The following ABCG2 variants were observed in gnomAD, a reference collection of about 807,000 sequenced individuals.
The protein encoded by ABCG2 is broad substrate specificity ATP-binding cassette transporter ABCG2.
A neutral mutation model predicts 73.5 loss-of-function variants in ABCG2; 80 were observed. The ratio of observed to expected loss-of-function variants is 1.09; its 90% CI spans 0.91 to 1.31. The LOEUF (loss-of-function observed/expected upper bound fraction) is 1.31. Ranked by LOEUF, ABCG2 falls within the 50% of genes most tolerant of loss-of-function variation. The pLI is 0.00. For missense variants in ABCG2, 796 were observed against 786.2 expected (o/e 1.01, Z -0.15); for synonymous variants, 269 against 282.4 (o/e 0.95, Z 0.48).
At chr4:88,176,162 T>G (rs1727963180) in intron 1 of ABCG2, among the ~76,000 whole-genome samples, 1 of 151,794 alleles carries the variant, frequency 6.6e-6, no homozygotes, top group Admixed American at 6.6e-5. Flanking sequence ...TTCTTGTTTT[T>G]TTTTTCTTTT....
At chr4:88,164,836 G>T (rs1334460072) in intron 1 of ABCG2, among the ~76,000 whole-genome samples, 4 of 152,134 alleles carry the variant, frequency 2.6e-5, no homozygotes, top group African/African-American at 4.8e-5. Context: ...GGAGTGCAGT[G>T]GCACAATCTC....
At chr4:88,132,973 G>A (rs1725006567) in intron 2 of ABCG2, among the ~76,000 whole-genome samples, 1 of 152,078 alleles carries the variant, frequency 6.6e-6, no homozygotes, top group African/African-American at 2.4e-5. Flanking sequence ...CACTGGTCAA[G>A]TCCTACAAGA....
chr4:88,176,241 T>C (rs1727969799), intron 1 of ABCG2, among the ~76,000 whole-genome samples: 1 of 151,840 alleles, frequency 6.6e-6, no homozygotes, highest in South Asian at 2.1e-4. Flanking sequence ...GCAATCTACC[T>C]GCCTTGGCCT....
intron 1 of ABCG2, among the ~76,000 whole-genome samples, chr4:88,169,377 T>C (rs1448616104): frequency 1.3e-5 from 2 of 152,184 alleles, no homozygotes; most frequent in Non-Finnish European, 2.9e-5. Flanking sequence ...ACTGTCTTCT[T>C]TTGTTGAATA....
intron 10 of ABCG2, among the ~76,000 whole-genome samples, chr4:88,102,438 A>C (rs1722490116): frequency 6.6e-6 from 1 of 152,070 alleles, no homozygotes; most frequent in South Asian, 2.1e-4. Context: ...TCTACTAAAA[A>C]TACAAAAATT....
At chr4:88,188,562 T>G (rs745649241) in intron 1 of ABCG2, among the ~76,000 whole-genome samples, 1 of 152,184 alleles carries the variant, frequency 6.6e-6, no homozygotes, top group Non-Finnish European at 1.5e-5. Flanking sequence ...CTTCCAAGTT[T>G]ATTCTTTTTC....
At chr4:88,114,575 C>T (rs981196316) in intron 8 of ABCG2, among the ~76,000 whole-genome samples, 3 of 148,144 alleles carry the variant, frequency 2.0e-5, no homozygotes, top group South Asian at 4.3e-4. Flanking sequence ...GTCAGTGAGC[C>T]GAAATAGCAC....
intron 1 of ABCG2, among the ~76,000 whole-genome samples, chr4:88,219,680 C>T (rs961433728): frequency 7.1e-6 from 1 of 141,276 alleles, no homozygotes; most frequent in Admixed American, 7.8e-5. Context: ...CTCCCAGGTT[C>T]ACGCCATTCT....
chr4:88,222,936 G>C (rs1000089015), intron 1 of ABCG2, among the ~76,000 whole-genome samples: 2 of 152,216 alleles, frequency 1.3e-5, no homozygotes, highest in Non-Finnish European at 2.9e-5. Context: ...CCATCAGGGT[G>C]ACTTGGATAT....
chr4:88,189,557 G>A (rs1352384837), intron 1 of ABCG2, among the ~76,000 whole-genome samples: 2 of 142,702 alleles, frequency 1.4e-5, no homozygotes, highest in African/African-American at 5.3e-5. Context: ...AAATAAATAA[G>A]AAATAAAATG....
intron 10 of ABCG2, 127 bp from the exon 11 acceptor site, chr4:88,101,446 C>CCAACCAGAACAGTT: frequency 1.2e-6 from 1 of 810,044 alleles, no homozygotes. Context: ...GGAAACTGTT[C>CCAACCAGAACAGTT]TGGTTGGAAC....
At chr4:88,157,875 G>C (rs1281165511) in intron 1 of ABCG2, among the ~76,000 whole-genome samples, 1 of 152,222 alleles carries the variant, frequency 6.6e-6, no homozygotes, top group Non-Finnish European at 1.5e-5. Flanking sequence ...AAGGGAGTAA[G>C]AGCACTCAAC....
At chr4:88,182,531 A>C (rs1728298067) in intron 1 of ABCG2, among the ~76,000 whole-genome samples, 1 of 152,228 alleles carries the variant, frequency 6.6e-6, no homozygotes, top group Admixed American at 6.5e-5. Context: ...TTCAAAAAAA[A>C]ATCACAATTA....
intron 12 of ABCG2, among the ~76,000 whole-genome samples, chr4:88,097,993 C>T (rs967430056): frequency 1.3e-5 from 2 of 152,024 alleles, no homozygotes; most frequent in African/African-American, 2.4e-5. Context: ...GGGACTGGGA[C>T]GATCGGGATG....
At chr4:88,098,608 G>A (rs1383584) in intron 12 of ABCG2, among the ~76,000 whole-genome samples, 114,410 of 145,306 alleles carry the variant, frequency 0.79, 48,701 homozygotes, top group Non-Finnish European at 0.96. Context: ...AAGTGTGTGT[G>A]TGTATATATA....
chr4:88,207,770 C>A (rs943312094), intron 1 of ABCG2, among the ~76,000 whole-genome samples: 2 of 152,092 alleles, frequency 1.3e-5, no homozygotes, highest in African/African-American at 4.8e-5. Flanking sequence ...GTCTCGAACT[C>A]CTGAGCTCAA....
intron 7 of ABCG2, among the ~76,000 whole-genome samples, chr4:88,115,284 A>ATT (rs58774529): frequency 0.063 from 4,534 of 72,466 alleles, 535 homozygotes; most frequent in East Asian, 0.096. Context: ...ATATATATAT[A>ATT]ATTTATTTAT....
chr4:88,097,719 G>T, intron 12 of ABCG2, 112 bp from the exon 13 acceptor site: 1 of 1,231,724 alleles, frequency 8.1e-7, no homozygotes, highest in Non-Finnish European at 1.1e-6. Flanking sequence ...ATATTAGAAT[G>T]AAAAAAAGTC....
rs868168725 is a variant in ABCG2 at position 88,224,331 on chromosome 4, G to C, written c.-20+6663C>G. Among the ~76,000 whole-genome samples, 41 of 152,208 alleles carry C rather than the reference G, an allele frequency of 2.7e-4. 1 individual carries two copies. The Middle Eastern group carries it at 0.017, about 63-fold the overall frequency. On this transcript the variant is annotated intron_variant, in intron 1 of 15. Coordinates refer to the ABCG2 transcript ENST00000515655. ...TGGGTGCCTGTAGTCCCAGCTCCTAGGGAGGCTAAAGTGGGAGGATCACCT... is the reference window on the plus strand; with the variant it reads ...TGGGTGCCTGTAGTCCCAGCTCCTACGGAGGCTAAAGTGGGAGGATCACCT...
Sources: allele counts gnomAD v4.1 joint callset (sites outside exome capture counted in the v4.1 genomes callset), GRCh38; gene constraint gnomAD v4.1.1; transcripts MANE v1.5; gene names NCBI Gene and HGNC (gene_info 2026-07-23, HGNC 2026-07-21).